SMARCA4: variants seen among roughly 807,000 people sequenced by gnomAD.
The protein encoded by SMARCA4 is SWI/SNF related BAF chromatin remodeling complex subunit ATPase 4, also known as SWI/SNF-related matrix-associated actin-dependent regulator of chromatin subfamily A member 4.
A neutral mutation model predicts 193.9 loss-of-function variants in SMARCA4; 31 were observed. The observed-to-expected ratio is 0.16, with a 90% CI of 0.12 to 0.22. The LOEUF (loss-of-function observed/expected upper bound fraction) is 0.22. Among genes scored for constraint, SMARCA4 ranks in the 10% least tolerant of loss-of-function variants. The probability of loss-of-function intolerance (pLI) is 1.00; values close to 1 mark genes in which losing one functional copy is unlikely to be tolerated. For missense variants in SMARCA4, 1,148 were observed against 2,296.0 expected, an observed-to-expected ratio of 0.50 and a Z score of 10.22; for synonymous variants, 942 against 933.1, an observed-to-expected ratio of 1.01 and a Z score of -0.17.
At chr19:10,970,844 T>G (rs1389145946) in intron 1 of SMARCA4, among the ~76,000 whole-genome samples, 1 of 152,220 alleles carries the variant, frequency 6.6e-6, no homozygotes, top group Non-Finnish European at 1.5e-5. Context: ...TATGAGAGTA[T>G]AGTAGAAGAA....
At chr19:11,032,802 G>T (rs1026310332) in intron 25 of SMARCA4, 2 of 249,962 alleles carry the variant, frequency 8.0e-6, no homozygotes, top group East Asian at 1.9e-4. Context: ...TGGGCCCCAT[G>T]TAGGCTGAGG....
At chr19:11,039,504 G>C in intron 29 of SMARCA4, 2 of 1,600,986 alleles carry the variant, frequency 1.2e-6, no homozygotes, top group Non-Finnish European at 1.7e-6. Context: ...AGTGTGGCAC[G>C]TGGGCTACAA....
chr19:11,007,858 C>T, intron 13 of SMARCA4, 44 bp from the exon 14 acceptor site: 1 of 1,609,212 alleles, frequency 6.2e-7, no homozygotes, highest in Non-Finnish European at 8.5e-7. Flanking sequence ...CGTCCCCCCT[C>T]TCTGGGGGAT....
chr19:10,983,892 C>T (rs944192205), intron 1 of SMARCA4, among the ~76,000 whole-genome samples: 2 of 152,112 alleles, frequency 1.3e-5, no homozygotes, highest in East Asian at 1.9e-4. Context: ...CAGTGCTTGT[C>T]TGTGAGCGTG....
chr19:10,982,798 C>T (rs184479288), intron 1 of SMARCA4, among the ~76,000 whole-genome samples: 20 of 152,256 alleles, frequency 1.3e-4, no homozygotes, highest in Admixed American at 8.5e-4. Flanking sequence ...GCCACCGCGC[C>T]TGGCCAAAAA....
Position 11,033,594 on chromosome 19 carries a change from A to T in SMARCA4, c.3774+77A>T. Reference sequence around the variant, plus strand: ...GAGCGGCTTTCATTTTTGTTTTTTTACCTTTTTTGCACTCTTATTTTTTTT... The same window carrying T: ...GAGCGGCTTTCATTTTTGTTTTTTTTCCTTTTTTGCACTCTTATTTTTTTT... On this transcript the variant is annotated intron_variant, in intron 26 of 34. Transcript: ENST00000344626. The surrounding 1 kb of genome is among the most constrained non-coding windows in gnomAD (Gnocchi z 9.8). The T allele has an allele frequency of 8.6e-7, 1 of 1,163,114 alleles. No individual in the cohort carries two copies. Among genetic ancestry groups the T allele is most frequent in the Non-Finnish European group, 1.3e-6 (1 of 773,810 alleles). The allele number at this position is 1,163,114 out of a possible 1,614,324, so 72.0% of individuals were successfully genotyped here.
rs561172636 is a variant in SMARCA4 at position 11,055,622 on chromosome 19, A to T, written c.4425-2633A>T. Among the ~76,000 whole-genome samples, 4 of 152,136 alleles carry T rather than the reference A, an allele frequency of 2.6e-5. No homozygotes were observed. The South Asian group carries it at 6.2e-4, about 24-fold the overall frequency. ...GGGTCTCACTTCCTGGGCTCTCTGCATAGGGAGCCGCCCTCCAGGGCAAGG... is the reference window on the plus strand; with the variant it reads ...GGGTCTCACTTCCTGGGCTCTCTGCTTAGGGAGCCGCCCTCCAGGGCAAGG... On this transcript the variant is annotated intron_variant, in intron 30 of 34. Transcript: ENST00000344626.
In SMARCA4 at chr19:11,030,652, A is replaced by G; in HGVS notation, c.3383-78A>G. 7.4e-7 allele frequency: 1 copy of G among 1,344,038 alleles called. No individual in the cohort carries two copies. Among genetic ancestry groups the G allele is most frequent in the Non-Finnish European group, 1.0e-6 (1 of 961,692 alleles). 83.3% of individuals were successfully genotyped at this position (1,344,038 alleles called of 1,614,324 possible). A position where few individuals can be genotyped will look rare whatever the true frequency, so the allele number is the denominator to read the frequency against. ...AGGTGCTGATCCTGCTCCTGCTCTC[A>G]GAAGCAGGTGTTCCTTGGTGTCCCC... On this transcript the variant is annotated intron_variant, in intron 24 of 34. Transcript: ENST00000344626. This position sits in a 1 kb window ranked among gnomAD's most constrained non-coding sequence, Gnocchi z 5.5.
chr19:11,018,339 AC>A (rs2089555505), intron 16 of SMARCA4: 1 of 194,302 alleles, frequency 5.1e-6, no homozygotes, highest in Non-Finnish European at 1.1e-5. Context: ...CAGGTGACTC[AC>A]CCCTCCCCAC....
intron 23 of SMARCA4, among the ~76,000 whole-genome samples, chr19:11,026,660 G>A (rs535332439): frequency 7.9e-5 from 12 of 151,988 alleles, no homozygotes; most frequent in South Asian, 2.1e-4. Flanking sequence ...CCACCACCCA[G>A]CTAATTTTTT....
rs570218125 is a variant in SMARCA4, at chr19:11,034,054, C to G, written c.3874-69C>G. ...GCTCATTCCCACGGACGCCGCCGCT[C>G]GCCTCTGAGCTCGGCCGCCGCCCAC... On this transcript the variant is annotated intron_variant, in intron 27 of 34. Coordinates refer to ENST00000344626, the MANE Select transcript of SMARCA4 (RefSeq NM_003072.5). This position sits in a 1 kb window ranked among gnomAD's most constrained non-coding sequence, Gnocchi z 7.0. 4.1e-6 allele frequency: 5 copies of G among 1,227,026 alleles called. No individual in the cohort carries two copies. The South Asian group carries it at 4.8e-5, about 12-fold the overall frequency. 76.0% of individuals were successfully genotyped at this position (1,227,026 alleles called of 1,614,324 possible). A position where few individuals can be genotyped will look rare whatever the true frequency, so the allele number is the denominator to read the frequency against.
chr19:10,962,103 C>CAAG (rs2083857181), intron 1 of SMARCA4, among the ~76,000 whole-genome samples: 1 of 151,134 alleles, frequency 6.6e-6, no homozygotes, highest in Non-Finnish European at 1.5e-5. Context: ...AAGCTTGATT[C>CAAG]CTGGTGCTGT....
Position 11,027,781 on chromosome 19 carries a change from C to T in SMARCA4, c.3216-3C>T, listed in dbSNP as rs1310639053. On this transcript the variant is annotated splice_region_variant and splice_polypyrimidine_tract_variant and intron_variant, in intron 23 of 34. Coordinates refer to ENST00000344626, the MANE Select transcript of SMARCA4 (RefSeq NM_003072.5). Reference sequence around the variant, plus strand: ...CTTCTCTCCTGCCTCCTCCACACTCCAGGCTGGACCTGTACCGAGCCTCGG... The same window carrying T: ...CTTCTCTCCTGCCTCCTCCACACTCTAGGCTGGACCTGTACCGAGCCTCGG... 3.1e-6 allele frequency: 5 copies of T among 1,613,914 alleles called. No homozygotes were observed. The highest frequency in any genetic ancestry group is 4.5e-5 in the East Asian group (2 of 44,902).
At chr19:10,964,714 C>A (rs1434422022) in intron 1 of SMARCA4, among the ~76,000 whole-genome samples, 2 of 151,772 alleles carry the variant, frequency 1.3e-5, no homozygotes, top group African/African-American at 4.8e-5. Flanking sequence ...GCCTCCTGGT[C>A]TCAAGCGATT....
chr19:10,987,178 G>A lies in SMARCA4; in HGVS notation c.859+175G>A, dbSNP rs116209812. Among the ~76,000 whole-genome samples, 517 of 152,314 alleles carry A rather than the reference G, an allele frequency of 3.4e-3. 1 individual carries two copies. Among genetic ancestry groups the A allele is most frequent in the African/African-American group, 0.012 (494 of 41,564 alleles). ...CCCCTGTAGCCAGTCAGTTCCCAAA[G>A]GCTGTCGTTCATCCCTCCTCTGACA... On this transcript the variant is annotated intron_variant, in intron 5 of 34. Coordinates refer to ENST00000344626, the MANE Select transcript of SMARCA4 (RefSeq NM_003072.5). The surrounding 1 kb of genome is among the most constrained non-coding windows in gnomAD (Gnocchi z 5.3).
At position 10,967,685 on chromosome 19, in the gene SMARCA4, GT is replaced by G. The variant is rs111496379; in HGVS notation, c.-32+6528del. Among the ~76,000 whole-genome samples the G allele has an allele frequency of 5.3e-3, 671 of 126,752 alleles. 3 individuals carry two copies. The highest frequency in any genetic ancestry group is 0.014 in the South Asian group (55 of 3,940). The allele number at this position is 126,752 out of a possible 152,430, so 83.2% of individuals were successfully genotyped here. A position where few individuals can be genotyped will look rare whatever the true frequency, so the allele number is the denominator to read the frequency against. On this transcript the variant is annotated intron_variant, in intron 1 of 34. Coordinates refer to ENST00000344626, the MANE Select transcript of SMARCA4 (RefSeq NM_003072.5). ...AACCCTGGCCCCTTTCAAATGTGTGGTTTTTTTTTTTTTTTTTGGAGACAGT... is the reference window on the plus strand; with the variant it reads ...AACCCTGGCCCCTTTCAAATGTGTGGTTTTTTTTTTTTTTTTGGAGACAGT...
intron 15 of SMARCA4, among the ~76,000 whole-genome samples, chr19:11,011,455 C>G (rs969967616): frequency 6.6e-6 from 1 of 152,180 alleles, no homozygotes; most frequent in Non-Finnish European, 1.5e-5. Flanking sequence ...AAACTCCTGA[C>G]CTCAGGTGAT....
chr19:10,970,669 A>G (rs2084597409), intron 1 of SMARCA4, among the ~76,000 whole-genome samples: 1 of 152,210 alleles, frequency 6.6e-6, no homozygotes. Flanking sequence ...GGCCTCCCAA[A>G]GCACTGTGCT....
intron 1 of SMARCA4, among the ~76,000 whole-genome samples, chr19:10,971,201 A>T (rs1218584679): frequency 1.3e-5 from 2 of 149,978 alleles, no homozygotes; most frequent in East Asian, 3.9e-4. Flanking sequence ...CATCTCAAAG[A>T]AAAAAAAAAG....
Sources: allele counts gnomAD v4.1 joint callset (sites outside exome capture counted in the v4.1 genomes callset), GRCh38; gene constraint gnomAD v4.1.1; non-coding constraint Gnocchi (gnomAD v3.1); transcripts MANE v1.5; gene names NCBI Gene and HGNC (gene_info 2026-07-23, HGNC 2026-07-21).